LHFPL2: variants seen among roughly 807,000 people sequenced by gnomAD.
The protein encoded by LHFPL2 is LHFPL tetraspan subfamily member 2.
In LHFPL2, 7 loss-of-function variants were observed where a neutral mutation model predicts 17.5. The observed-to-expected ratio is 0.40, with a 90% CI of 0.23 to 0.75. The LOEUF (loss-of-function observed/expected upper bound fraction) is 0.75. Ranked by LOEUF, LHFPL2 falls within the 30% of genes least tolerant of loss-of-function variation. The pLI is 0.37. For missense variants in LHFPL2, 241 were observed against 294.8 expected (o/e 0.82, Z 1.34); for synonymous variants, 134 against 116.2 (o/e 1.15, Z -0.99).
At chr5:78,630,209 GATCAGAT>G (rs1371320774) in intron 2 of LHFPL2, among the ~76,000 whole-genome samples, 1 of 152,182 alleles carries the variant, frequency 6.6e-6, no homozygotes, top group African/African-American at 2.4e-5. Context: ...GGGGTCTGAG[GATCAGAT>G]ATCTCCTAGA....
In LHFPL2 at chr5:78,549,728, G is replaced by C. The variant is rs10062808; in HGVS notation, c.-186+15085C>G. The stretch of plus-strand genomic sequence containing the variant: ...TCTGGTCATGAGTTCTGGATTTTTA[G>C]AACAGTTCCAGTTGAATATATTTTG... On this transcript the variant is annotated intron_variant, in intron 3 of 4. Transcript: ENST00000380345. Among the ~76,000 whole-genome samples the C allele has an allele frequency of 4.5e-3, 684 of 152,312 alleles. 1 individual carries two copies. The highest frequency in any genetic ancestry group is 6.1e-3 in the Non-Finnish European group (418 of 68,032).
At chr5:78,560,377 C>T (rs983533898) in intron 3 of LHFPL2, among the ~76,000 whole-genome samples, 5 of 152,206 alleles carry the variant, frequency 3.3e-5, no homozygotes, top group African/African-American at 1.2e-4. Context: ...ATTTCTGGTA[C>T]CATGGTAAGA....
chr5:78,615,622 AAGC>A, intron 2 of LHFPL2, among the ~76,000 whole-genome samples: 1 of 152,218 alleles, frequency 6.6e-6, no homozygotes, highest in Non-Finnish European at 1.5e-5. Context: ...CTCTTGATAG[AAGC>A]ATCGTGAGAA....
At chr5:78,508,213 A>G (rs887791845) in intron 4 of LHFPL2, among the ~76,000 whole-genome samples, 1 of 152,140 alleles carries the variant, frequency 6.6e-6, no homozygotes, top group Non-Finnish European at 1.5e-5. Flanking sequence ...TATTTTTCAG[A>G]AGGAGAACAC....
At position 78,640,801 on chromosome 5, in the gene LHFPL2, C is replaced by T. The variant is rs543797543; in HGVS notation, c.-350+7698G>A. Among the ~76,000 whole-genome samples the T allele has an allele frequency of 5.3e-5, 8 of 152,292 alleles. No homozygotes were observed. The South Asian group carries it at 1.4e-3, about 28-fold the overall frequency. On this transcript the variant is annotated intron_variant, in intron 1 of 4. Coordinates refer to ENST00000380345, the MANE Select transcript of LHFPL2 (RefSeq NM_005779.3). ...ACAGACTAACAATGATTAATCATCC[C>T]CACTGGACTTACCCTAAATCCACAG... is the stretch of plus-strand genomic sequence containing the variant.
At chr5:78,490,048 T>A (rs1326027503) in intron 4 of LHFPL2, among the ~76,000 whole-genome samples, 1 of 152,244 alleles carries the variant, frequency 6.6e-6, no homozygotes, top group African/African-American at 2.4e-5. Context: ...TCTGTATTTA[T>A]ATACACATTT....
chr5:78,501,737 T>G (rs1250982723), intron 4 of LHFPL2, among the ~76,000 whole-genome samples: 1 of 152,172 alleles, frequency 6.6e-6, no homozygotes, highest in African/African-American at 2.4e-5. Flanking sequence ...ATTTTAAAGT[T>G]TCAAGAGTTC....
chr5:78,639,112 C>T (rs987533860), intron 1 of LHFPL2, among the ~76,000 whole-genome samples: 3 of 152,022 alleles, frequency 2.0e-5, no homozygotes, highest in Non-Finnish European at 2.9e-5. Flanking sequence ...TCCTAAGAGG[C>T]CCCCCAGCCA....
intron 4 of LHFPL2, among the ~76,000 whole-genome samples, chr5:78,499,156 C>T (rs1200443472): frequency 6.6e-6 from 1 of 152,136 alleles, no homozygotes; most frequent in African/African-American, 2.4e-5. Flanking sequence ...ATGATAGACT[C>T]TAAAGATGAA....
intron 4 of LHFPL2, among the ~76,000 whole-genome samples, chr5:78,508,857 C>G (rs1218552667): frequency 2.4e-5 from 2 of 83,214 alleles, no homozygotes; most frequent in Admixed American, 1.2e-4. Context: ...TTCTGAATAT[C>G]AAAGCAAGAG....
intron 3 of LHFPL2, among the ~76,000 whole-genome samples, chr5:78,542,983 G>T (rs779467363): frequency 5.9e-5 from 9 of 152,210 alleles, no homozygotes; most frequent in Non-Finnish European, 1.2e-4. Flanking sequence ...ACAAAGAGCA[G>T]CCTGAAAAAT....
chr5:78,512,762 CTTTTCT>C (rs1414623923), intron 3 of LHFPL2, among the ~76,000 whole-genome samples: 9 of 134,032 alleles, frequency 6.7e-5, no homozygotes, highest in African/African-American at 2.4e-4. Flanking sequence ...TGTAATTTTT[CTTTTCT>C]TTTTTTTTTT....
At chr5:78,631,096 C>T (rs960779597) in intron 2 of LHFPL2, among the ~76,000 whole-genome samples, 2 of 152,164 alleles carry the variant, frequency 1.3e-5, no homozygotes, top group Non-Finnish European at 2.9e-5. Context: ...TTAAAAGTGT[C>T]GTATCAAAAT....
chr5:78,510,773 G>A (rs1439095535), intron 3 of LHFPL2, among the ~76,000 whole-genome samples: 2 of 152,200 alleles, frequency 1.3e-5, no homozygotes, highest in Non-Finnish European at 2.9e-5. Flanking sequence ...AGAGGAGGAG[G>A]CAAGACTGGC....
At chr5:78,544,822 G>A (rs1339621212) in intron 3 of LHFPL2, among the ~76,000 whole-genome samples, 3 of 149,868 alleles carry the variant, frequency 2.0e-5, no homozygotes, top group Non-Finnish European at 3.0e-5. Flanking sequence ...TGAAATGAAC[G>A]TTCCAGCCTG....
intron 2 of LHFPL2, among the ~76,000 whole-genome samples, chr5:78,612,244 A>C (rs916286578): frequency 2.3e-4 from 35 of 152,350 alleles, no homozygotes; most frequent in African/African-American, 7.9e-4. Flanking sequence ...AATCTAGTTG[A>C]AAATTTTAAT....
intron 4 of LHFPL2, among the ~76,000 whole-genome samples, chr5:78,498,759 C>T (rs1308628655): frequency 6.6e-6 from 1 of 152,130 alleles, no homozygotes; most frequent in Non-Finnish European, 1.5e-5. Context: ...AAGAAAGAGA[C>T]ATACATGATA....
chr5:78,610,908 CAA>C (rs33938439), intron 2 of LHFPL2, among the ~76,000 whole-genome samples: 24 of 143,850 alleles, frequency 1.7e-4, no homozygotes, highest in Middle Eastern at 3.6e-3. Context: ...AGACCATAAG[CAA>C]AAAAAAAAAA....
chr5:78,535,343 TCA>T (rs2112365655), intron 3 of LHFPL2, among the ~76,000 whole-genome samples: 1 of 152,128 alleles, frequency 6.6e-6, no homozygotes, highest in Admixed American at 6.5e-5. Context: ...CAGACCCCCC[TCA>T]GATTCCCCAG....
Sources: gnomAD v4.1 joint callset for allele counts (sites outside exome capture counted in the v4.1 genomes callset) on GRCh38, gnomAD v4.1.1 for gene constraint, MANE v1.5 for transcripts, NCBI Gene and HGNC (gene_info 2026-07-23, HGNC 2026-07-21) for gene names.